CFAP61: variants seen among roughly 807,000 people sequenced by gnomAD.
CFAP61 encodes the protein cilia and flagella associated protein 61.
A neutral mutation model predicts 135.6 loss-of-function variants in CFAP61; 107 were observed. That is an observed-to-expected ratio of 0.79 (90% CI 0.67 to 0.93). CFAP61 has a LOEUF of 0.93. Among genes scored for constraint, CFAP61 ranks in the 40% least tolerant of loss-of-function variants. The probability of loss-of-function intolerance (pLI) is 0.00; values close to 1 mark genes in which losing one functional copy is unlikely to be tolerated. For missense variants in CFAP61, 1,507 were observed against 1,556.2 expected, an observed-to-expected ratio of 0.97 and a Z score of 0.53; for synonymous variants, 575 against 578.5, an observed-to-expected ratio of 0.99 and a Z score of 0.09.
At position 20,106,910 on chromosome 20, in the gene CFAP61, T is replaced by C. The variant is rs2048448669; in HGVS notation, c.859+8096T>C. Among the ~76,000 whole-genome samples the C allele has an allele frequency of 2.6e-5, 4 of 152,216 alleles. No individual in the cohort carries two copies. In the South Asian group the frequency reaches 8.3e-4, roughly 32 times the overall value. On this transcript the variant is annotated intron_variant, in intron 8 of 26. Transcript: ENST00000245957. Reference sequence around the variant, plus strand: ...ATATGCCACTTGTGTTGCAGGATAATTATAGTAATTTGGCTATTACGCTAT... The same window carrying C: ...ATATGCCACTTGTGTTGCAGGATAACTATAGTAATTTGGCTATTACGCTAT...
At chr20:20,204,441 C>T (rs749573183) in intron 17 of CFAP61, among the ~76,000 whole-genome samples, 51 of 152,300 alleles carry the variant, frequency 3.3e-4, no homozygotes, top group Non-Finnish European at 5.6e-4. Context: ...AGATGTCACT[C>T]ACTGGCATTC....
chr20:20,276,213 C>T lies in CFAP61; in HGVS notation c.2504-953C>T, dbSNP rs150608098. On this transcript the variant is annotated intron_variant, in intron 21 of 26. Transcript: ENST00000245957. Reference sequence around the variant, plus strand: ...AACCAAATCAAATTAATACACTTGCCATTTATTTTGGCTTGTAAAATTCCT... The same window carrying T: ...AACCAAATCAAATTAATACACTTGCTATTTATTTTGGCTTGTAAAATTCCT... 2.9e-3 allele frequency among the ~76,000 whole-genome samples: 434 copies of T among 152,272 alleles called. 1 individual carries two copies. Among genetic ancestry groups the T allele is most frequent in the South Asian group, 0.014 (67 of 4,824 alleles).
intron 25 of CFAP61, among the ~76,000 whole-genome samples, chr20:20,310,512 G>C (rs1285098638): frequency 6.6e-6 from 1 of 152,164 alleles, no homozygotes; most frequent in Non-Finnish European, 1.5e-5. Flanking sequence ...CTCAGCTAAG[G>C]TTCCACTGCA....
intron 21 of CFAP61, among the ~76,000 whole-genome samples, chr20:20,264,586 G>T (rs2052551368): frequency 6.6e-6 from 1 of 152,100 alleles, no homozygotes; most frequent in Non-Finnish European, 1.5e-5. Context: ...TTTCTTATCA[G>T]GGAAAATTCT....
intron 8 of CFAP61, among the ~76,000 whole-genome samples, chr20:20,125,588 A>T (rs1232336210): frequency 6.6e-6 from 1 of 151,616 alleles, no homozygotes; most frequent in Non-Finnish European, 1.5e-5. Context: ...AGGCTGCTTG[A>T]TGTAATATTA....
intron 26 of CFAP61, among the ~76,000 whole-genome samples, chr20:20,357,382 A>G: frequency 2.8e-5 from 1 of 35,860 alleles, no homozygotes; most frequent in African/African-American, 1.6e-4. Flanking sequence ...GTGTGAGGGG[A>G]GGTGGTCACA....
intron 9 of CFAP61, among the ~76,000 whole-genome samples, chr20:20,146,290 A>G (rs1221920892): frequency 6.6e-6 from 1 of 152,240 alleles, no homozygotes; most frequent in African/African-American, 2.4e-5. Context: ...TATGAGAAAT[A>G]TGTAAAATCC....
intron 25 of CFAP61, among the ~76,000 whole-genome samples, chr20:20,329,645 A>G (rs1346649479): frequency 6.6e-6 from 1 of 152,134 alleles, no homozygotes; most frequent in Non-Finnish European, 1.5e-5. Flanking sequence ...CTTGGGAGAT[A>G]AAGTCCAAGC....
intron 2 of CFAP61, among the ~76,000 whole-genome samples, chr20:20,067,663 A>ATATAAT (rs374637754): frequency 3.0e-4 from 41 of 138,618 alleles, no homozygotes; most frequent in South Asian, 1.1e-3. Context: ...ATATATATAT[A>ATATAAT]ATATATATAT....
chr20:20,070,779 AG>A, intron 2 of CFAP61, 74 bp from the exon 3 acceptor site: 1 of 1,420,296 alleles, frequency 7.0e-7, no homozygotes, highest in Non-Finnish European at 9.6e-7. Context: ...CAGTAGCCAG[AG>A]GGAAAAAAAT....
chr20:20,272,823 C>T (rs2053461327), intron 21 of CFAP61, among the ~76,000 whole-genome samples: 1 of 152,116 alleles, frequency 6.6e-6, no homozygotes, highest in African/African-American at 2.4e-5. Context: ...CTTCCTTCCC[C>T]ATATCTCCTT....
chr20:20,162,578 T>C (rs1033683670), intron 10 of CFAP61, among the ~76,000 whole-genome samples: 2 of 152,048 alleles, frequency 1.3e-5, no homozygotes, highest in Admixed American at 6.6e-5. Flanking sequence ...TCTAACGATA[T>C]GAGGGCCTAA....
chr20:20,110,197 G>A (rs2048706187), intron 8 of CFAP61, among the ~76,000 whole-genome samples: 1 of 152,060 alleles, frequency 6.6e-6, no homozygotes, highest in South Asian at 2.1e-4. Context: ...TTCTTGGGAA[G>A]ACAAAGTTTT....
intron 21 of CFAP61, among the ~76,000 whole-genome samples, chr20:20,266,608 G>C (rs553487852): frequency 1.3e-5 from 2 of 152,306 alleles, no homozygotes; most frequent in East Asian, 3.9e-4. Flanking sequence ...ATGAAGACAA[G>C]AGAACCCTTG....
chr20:20,062,187 G>A (rs752808562), intron 2 of CFAP61, among the ~76,000 whole-genome samples: 7 of 152,092 alleles, frequency 4.6e-5, no homozygotes, highest in Non-Finnish European at 7.4e-5. Context: ...GCACACCCCA[G>A]CCCCTTTGGG....
intron 25 of CFAP61, chr20:20,323,014 T>C: frequency 2.0e-6 from 2 of 985,436 alleles, no homozygotes; most frequent in East Asian, 2.3e-4. Context: ...AGATGGCCCT[T>C]CATGATGAGA....
At chr20:20,325,881 TG>T (rs1189694919) in intron 25 of CFAP61, among the ~76,000 whole-genome samples, 1 of 152,224 alleles carries the variant, frequency 6.6e-6, no homozygotes. Flanking sequence ...CATTTGGTGT[TG>T]TTAATGTTTT....
chr20:20,209,807 C>T (rs893522743), intron 17 of CFAP61, among the ~76,000 whole-genome samples: 4 of 152,222 alleles, frequency 2.6e-5, no homozygotes, highest in Admixed American at 6.5e-5. Context: ...TCGTGGCAGG[C>T]GGGGAGGAGG....
At position 20,226,942 on chromosome 20, in the gene CFAP61, A is replaced by G. The variant is rs142341987; in HGVS notation, c.1933-1307A>G. Among the ~76,000 whole-genome samples, 25 of 152,358 alleles carry G rather than the reference A, an allele frequency of 1.6e-4. No homozygotes were observed. In the East Asian group the frequency reaches 4.8e-3, roughly 29 times the overall value. On this transcript the variant is annotated intron_variant, in intron 17 of 26. Transcript: ENST00000245957. ...GGGTGGAACAGATGTTGAGAGGTAC[A>G]AGCAATGTTAATTATGGAGTCTGAA...
Sources: allele counts gnomAD v4.1 joint callset (sites outside exome capture counted in the v4.1 genomes callset), GRCh38; gene constraint gnomAD v4.1.1; transcripts MANE v1.5; gene names NCBI Gene and HGNC (gene_info 2026-07-23, HGNC 2026-07-21).